The following THEM4 variants were observed in gnomAD, a reference collection of about 807,000 sequenced individuals.
THEM4 encodes thioesterase superfamily member 4.
THEM4 carries 22 observed loss-of-function variants against 25.0 expected under a neutral mutation model. That is an observed-to-expected ratio of 0.88 (90% CI 0.63 to 1.26). THEM4 has a LOEUF of 1.26. THEM4 is among the 50% of genes most tolerant of loss of function. The pLI is 0.00. For synonymous variants in THEM4, 113 were observed against 105.6 expected (o/e 1.07, Z -0.43); for missense variants, 286 against 300.3 (o/e 0.95, Z 0.35).
chr1:151,889,133 TTG>T, intron 3 of THEM4, 79 bp downstream of exon 3: 3 of 1,126,428 alleles, frequency 2.7e-6, no homozygotes, highest in Non-Finnish European at 3.8e-6. Flanking sequence ...AAAATCTTTA[TTG>T]TAGTCCATGT....
At chr1:151,886,760 C>T (rs1558190435) in intron 4 of THEM4, among the ~76,000 whole-genome samples, 1 of 152,242 alleles carries the variant, frequency 6.6e-6, no homozygotes, top group Admixed American at 6.5e-5. Context: ...ACTCTCTCAA[C>T]ATAATAAAGG....
chr1:151,896,522 A>G (rs1654229238), intron 1 of THEM4, among the ~76,000 whole-genome samples: 1 of 152,206 alleles, frequency 6.6e-6, no homozygotes, highest in Non-Finnish European at 1.5e-5. Flanking sequence ...ACTATTTATT[A>G]TCCTCATTTT....
chr1:151,884,678 CTTTTTTTTGT>C (rs918937500), intron 4 of THEM4, among the ~76,000 whole-genome samples: 2 of 95,564 alleles, frequency 2.1e-5, no homozygotes, highest in African/African-American at 7.7e-5. Flanking sequence ...CTTTCATTTC[CTTTTTTTTGT>C]TTTTTTTTTG....
chr1:151,902,980 T>G (rs1654383408), intron 1 of THEM4, among the ~76,000 whole-genome samples: 1 of 152,096 alleles, frequency 6.6e-6, no homozygotes, highest in African/African-American at 2.4e-5. Flanking sequence ...AGAGTGAGAT[T>G]CTGTCTCAAA....
intron 5 of THEM4, among the ~76,000 whole-genome samples, chr1:151,875,886 C>T (rs1558187495): frequency 6.6e-6 from 1 of 152,176 alleles, no homozygotes; most frequent in Non-Finnish European, 1.5e-5. Context: ...ACTCACAATA[C>T]TCTACCACCC....
At position 151,901,888 on chromosome 1, in the gene THEM4, G is replaced by T. The variant is rs141708308; in HGVS notation, c.100-6694C>A. 7.9e-5 allele frequency among the ~76,000 whole-genome samples: 12 copies of T among 152,228 alleles called. No individual in the cohort carries two copies. The East Asian group carries it at 1.3e-3, about 17-fold the overall frequency. On this transcript the variant is annotated intron_variant, in intron 1 of 5. Transcript: ENST00000368814. ...AAAAAAACAAAAAAACCATGCTCCT[G>T]AATGAGCACTGGGTCAAAAATGAAA...
chr1:151,891,487 G>A (rs756393510), intron 2 of THEM4: 2 of 152,186 alleles, frequency 1.3e-5, no homozygotes, highest in African/African-American at 4.8e-5. Flanking sequence ...GGTTTTCCTA[G>A]GTTAGGTGGG....
rs142121072 is a variant in THEM4 at position 151,871,631 on chromosome 1, T to G, written c.*3257A>C. ...AACCCTATGTTAACAGTGACTGAGCTTTTTCCTTAGTTGATCTTGTGCAGC... is the reference window on the plus strand; with the variant it reads ...AACCCTATGTTAACAGTGACTGAGCGTTTTCCTTAGTTGATCTTGTGCAGC... On this transcript the variant is annotated 3_prime_UTR_variant, in exon 6 of 6. Transcript: ENST00000368814. Among the ~76,000 whole-genome samples, 321 of 152,328 alleles carry G rather than the reference T, an allele frequency of 2.1e-3. 5 individuals are homozygous for G. Among genetic ancestry groups the G allele is most frequent in the African/African-American group, 7.5e-3 (312 of 41,582 alleles).
intron 2 of THEM4, 124 bp downstream of exon 2, chr1:151,894,884 G>A (rs1408272751): frequency 9.2e-7 from 1 of 1,087,054 alleles, no homozygotes; most frequent in African/African-American, 1.6e-5. Flanking sequence ...TAAAATTGGT[G>A]ACTATAGAAC....
chr1:151,884,407 C>T (rs909048052), intron 4 of THEM4, among the ~76,000 whole-genome samples: 3 of 152,190 alleles, frequency 2.0e-5, no homozygotes, highest in African/African-American at 7.2e-5. Flanking sequence ...CTTGTTCTTA[C>T]ATCAGTCAGG....
rs771001080 is a variant in THEM4, at chr1:151,873,432, T to C, written c.*1456A>G. Among the ~76,000 whole-genome samples the C allele has an allele frequency of 2.6e-5, 4 of 152,288 alleles. No homozygotes were observed. In the Middle Eastern group the frequency reaches 0.01, roughly 391 times the overall value. On this transcript the variant is annotated 3_prime_UTR_variant, in exon 6 of 6. Coordinates refer to ENST00000368814, the MANE Select transcript of THEM4 (RefSeq NM_053055.5). ...ACTTTGTCTCTGTGCCTTATTTCTTTTCTCAGTCTCTCATCCCACCTGATG... is the reference window on the plus strand; with the variant it reads ...ACTTTGTCTCTGTGCCTTATTTCTTCTCTCAGTCTCTCATCCCACCTGATG...
intron 3 of THEM4, among the ~76,000 whole-genome samples, chr1:151,888,610 T>C (rs923922685): frequency 6.6e-6 from 1 of 152,226 alleles, no homozygotes; most frequent in Admixed American, 6.5e-5. Context: ...CAGAACTTAA[T>C]AGTAACCAGA....
intron 1 of THEM4, among the ~76,000 whole-genome samples, chr1:151,905,499 A>T (rs1364135841): frequency 3.3e-5 from 5 of 152,160 alleles, no homozygotes; most frequent in Admixed American, 2.6e-4. Flanking sequence ...AATTGAAGAA[A>T]GCAAAATAAA....
chr1:151,875,301 G>A (rs1178286698), intron 5 of THEM4, among the ~76,000 whole-genome samples: 1 of 152,118 alleles, frequency 6.6e-6, no homozygotes, highest in East Asian at 1.9e-4. Flanking sequence ...GTGGATTTAA[G>A]TTATTATCTT....
chr1:151,893,320 C>T (rs1448009200), intron 2 of THEM4, among the ~76,000 whole-genome samples: 13 of 146,186 alleles, frequency 8.9e-5, no homozygotes, highest in Non-Finnish European at 1.5e-5. Flanking sequence ...TGCAGTGAGC[C>T]GAGGTCACGC....
At position 151,894,929 on chromosome 1, in the gene THEM4, G is replaced by A. The variant is rs192608734; in HGVS notation, c.286+79C>T. On this transcript the variant is annotated intron_variant, in intron 2 of 5. Transcript: ENST00000368814. ...GCATTATATTCTTTCTTTTTTTCAG[G>A]TAGTAACTAGTACTTCAATCTGTTC... is the stretch of plus-strand genomic sequence containing the variant. The A allele has an allele frequency of 3.7e-5, 52 of 1,406,350 alleles. No homozygotes were observed. In the East Asian group the frequency reaches 9.6e-4, roughly 26 times the overall value. 87.1% of individuals were successfully genotyped at this position (1,406,350 alleles called of 1,614,324 possible).
At chr1:151,903,483 A>G (rs561402180) in intron 1 of THEM4, among the ~76,000 whole-genome samples, 52 of 152,340 alleles carry the variant, frequency 3.4e-4, no homozygotes, top group African/African-American at 1.1e-3. Flanking sequence ...ATTAAGGTAG[A>G]TATTTAAATT....
chr1:151,900,277 A>C (rs1441067914), intron 1 of THEM4, among the ~76,000 whole-genome samples: 2 of 152,038 alleles, frequency 1.3e-5, no homozygotes, highest in African/African-American at 4.8e-5. Flanking sequence ...AATAAAAAAA[A>C]CCCCACAGTA....
intron 1 of THEM4, among the ~76,000 whole-genome samples, chr1:151,908,432 C>T (rs969857964): frequency 1.3e-5 from 2 of 152,150 alleles, no homozygotes; most frequent in African/African-American, 4.8e-5. Context: ...GGGAATGAGT[C>T]CTTTCTGGTT....
Sources: gnomAD v4.1 joint callset for allele counts (sites outside exome capture counted in the v4.1 genomes callset) on GRCh38, gnomAD v4.1.1 for gene constraint, MANE v1.5 for transcripts, NCBI Gene and HGNC (gene_info 2026-07-23, HGNC 2026-07-21) for gene names.